NPAS3: variants seen among roughly 807,000 people sequenced by gnomAD.
The protein encoded by NPAS3 is neuronal PAS domain protein 3.
NPAS3 carries 14 observed loss-of-function variants against 73.1 expected under a neutral mutation model. The observed-to-expected ratio is 0.19, with a 90% CI of 0.13 to 0.30. The LOEUF (loss-of-function observed/expected upper bound fraction) is 0.30. Among genes scored for constraint, NPAS3 ranks in the 10% least tolerant of loss-of-function variants. The pLI, the probability that NPAS3 is intolerant of heterozygous loss-of-function variation, is 1.00. For synonymous variants in NPAS3, 620 were observed against 541.5 expected, an observed-to-expected ratio of 1.14 and a Z score of -2.01; for missense variants, 1,096 against 1,250.0, an observed-to-expected ratio of 0.88 and a Z score of 1.86.
intron 4 of NPAS3, among the ~76,000 whole-genome samples, chr14:33,461,313 A>G (rs1467604062): frequency 6.6e-6 from 1 of 152,152 alleles, no homozygotes; most frequent in Admixed American, 6.5e-5. Flanking sequence ...TGAGAAGGCT[A>G]TTTTGATGTT....
intron 9 of NPAS3, among the ~76,000 whole-genome samples, chr14:33,786,551 CACTT>C (rs1387936137): frequency 6.6e-6 from 1 of 152,190 alleles, no homozygotes; most frequent in Non-Finnish European, 1.5e-5. Flanking sequence ...TACTTGATAA[CACTT>C]AATTGTTAAA....
downstream of NPAS3, chr14:33,801,202 G>A (rs1422485954): frequency 1.3e-6 from 2 of 1,504,964 alleles, no homozygotes; most frequent in Non-Finnish European, 1.8e-6. Flanking sequence ...CTTTGAATTC[G>A]AGCAGGTCAG....
chr14:33,758,136 TACAGCATTC>T lies in NPAS3; in HGVS notation c.853-16199_853-16191del, dbSNP rs1267797069. On this transcript the variant is annotated intron_variant, in intron 7 of 11. Coordinates refer to ENST00000356141, the Ensembl canonical transcript of NPAS3. ...TGTACATGAAGTCACAACTCCTTTG[TACAGCATTC>T]ATAGCATTCCACAATCCAGCCTGCT... Among the ~76,000 whole-genome samples the T allele has an allele frequency of 3.3e-5, 5 of 152,324 alleles. No individual in the cohort carries two copies. The East Asian group carries it at 9.6e-4, about 29-fold the overall frequency.
chr14:33,360,233 A>G (rs1454852125), intron 3 of NPAS3, among the ~76,000 whole-genome samples: 4 of 152,058 alleles, frequency 2.6e-5, no homozygotes, highest in East Asian at 1.9e-4. Flanking sequence ...TGATCTGTTC[A>G]TGTTAGATTA....
At chr14:33,126,227 C>A (rs946469279) in intron 2 of NPAS3, among the ~76,000 whole-genome samples, 1 of 152,154 alleles carries the variant, frequency 6.6e-6, no homozygotes, top group Non-Finnish European at 1.5e-5. Flanking sequence ...CACTACTTAT[C>A]TACTTGCAAG....
chr14:33,176,007 T>G (rs1346332244), intron 2 of NPAS3, among the ~76,000 whole-genome samples: 1 of 152,166 alleles, frequency 6.6e-6, no homozygotes, highest in East Asian at 1.9e-4. Flanking sequence ...ATTTATAAAT[T>G]TTCTTGTTCA....
chr14:33,533,093 T>C (rs2054112171), intron 4 of NPAS3, among the ~76,000 whole-genome samples: 1 of 152,142 alleles, frequency 6.6e-6, no homozygotes, highest in African/African-American at 2.4e-5. Context: ...AGAACCTTTT[T>C]ATTTTCTCAT....
intron 2 of NPAS3, among the ~76,000 whole-genome samples, chr14:33,101,876 C>T (rs2042586728): frequency 6.6e-6 from 1 of 152,046 alleles, no homozygotes; most frequent in South Asian, 2.1e-4. Context: ...TTTTTTCTTC[C>T]CTATCTTCTA....
intron 4 of NPAS3, among the ~76,000 whole-genome samples, chr14:33,531,143 G>T (rs902536278): frequency 6.6e-6 from 1 of 152,024 alleles, no homozygotes; most frequent in Non-Finnish European, 1.5e-5. Context: ...CCATTATATA[G>T]GTACCAGAAC....
At chr14:33,558,189 A>G (rs2139738759) in intron 4 of NPAS3, among the ~76,000 whole-genome samples, 1 of 152,296 alleles carries the variant, frequency 6.6e-6, no homozygotes, top group South Asian at 2.1e-4. Flanking sequence ...CCAAGAAATC[A>G]GAGGAGGGGA....
Position 33,608,811 on chromosome 14 carries a change from A to G in NPAS3, c.558+48601A>G, listed in dbSNP as rs115807439. Among the ~76,000 whole-genome samples, 799 of 152,306 alleles carry G rather than the reference A, an allele frequency of 5.2e-3. 6 individuals carry two copies. Among genetic ancestry groups the G allele is most frequent in the African/African-American group, 0.019 (773 of 41,554 alleles). On this transcript the variant is annotated intron_variant, in intron 5 of 11. Transcript: ENST00000356141. ...GAGAATTCAGCTTAGAAGCCTATTG[A>G]AAGGATGATGATTCTGCTACAAATG...
chr14:33,059,003 G>A (rs1211033831), intron 2 of NPAS3, among the ~76,000 whole-genome samples: 1 of 152,232 alleles, frequency 6.6e-6, no homozygotes, highest in East Asian at 1.9e-4. Context: ...AGCCAACTTG[G>A]ATGGGTTTGT....
intron 4 of NPAS3, among the ~76,000 whole-genome samples, chr14:33,433,317 T>A (rs1014310297): frequency 6.6e-6 from 1 of 152,206 alleles, no homozygotes. Flanking sequence ...TATAGTCCCA[T>A]GTACATTTAG....
At chr14:33,466,084 C>T (rs1237198716) in intron 4 of NPAS3, among the ~76,000 whole-genome samples, 2 of 152,122 alleles carry the variant, frequency 1.3e-5, no homozygotes, top group East Asian at 1.9e-4. Context: ...TGCGCTTGAG[C>T]TTCGGGAGCA....
At chr14:33,566,010 T>C (rs1233658287) in intron 5 of NPAS3, among the ~76,000 whole-genome samples, 1 of 152,098 alleles carries the variant, frequency 6.6e-6, no homozygotes, top group Non-Finnish European at 1.5e-5. Context: ...GTTCATCACT[T>C]CTGGGTGTAA....
intron 1 of NPAS3, among the ~76,000 whole-genome samples, chr14:32,981,042 A>G (rs2037877210): frequency 6.6e-6 from 1 of 152,150 alleles, no homozygotes; most frequent in Admixed American, 6.6e-5. Flanking sequence ...GCTCACACAG[A>G]AGAACTCGGA....
intron 4 of NPAS3, among the ~76,000 whole-genome samples, chr14:33,485,542 G>C (rs546486770): frequency 1.3e-5 from 2 of 152,148 alleles, no homozygotes; most frequent in East Asian, 3.9e-4. Flanking sequence ...GAGGTCCCCC[G>C]ACTACCCCAC....
chr14:33,081,336 T>C (rs1234873799), intron 2 of NPAS3, among the ~76,000 whole-genome samples: 2 of 152,104 alleles, frequency 1.3e-5, no homozygotes, highest in Non-Finnish European at 2.9e-5. Flanking sequence ...AATTGAAATA[T>C]CTATCTGGTT....
intron 7 of NPAS3, among the ~76,000 whole-genome samples, chr14:33,760,544 C>T (rs2062250037): frequency 6.6e-6 from 1 of 151,976 alleles, no homozygotes; most frequent in Non-Finnish European, 1.5e-5. Flanking sequence ...GGACACCCAC[C>T]CCTGAATGTG....
Sources: allele counts gnomAD v4.1 joint callset (sites outside exome capture counted in the v4.1 genomes callset), GRCh38; gene constraint gnomAD v4.1.1; transcripts MANE v1.5; gene names NCBI Gene and HGNC (gene_info 2026-07-23, HGNC 2026-07-21).